The following ITGB6 variants were observed in gnomAD, a reference collection of about 807,000 sequenced individuals.
ITGB6 encodes the protein integrin beta-6.
In ITGB6, 80 loss-of-function variants were observed where a neutral mutation model predicts 84.5. That is an observed-to-expected ratio of 0.95 (90% CI 0.79 to 1.14). The LOEUF is 1.14. Ranked by LOEUF, ITGB6 falls within the 50% of genes most tolerant of loss-of-function variation. ITGB6 has a pLI of 0.00. For synonymous variants in ITGB6, 383 were observed against 354.9 expected (o/e 1.08, Z -0.89); for missense variants, 1,006 against 968.0 (o/e 1.04, Z -0.52).
chr2:160,199,338 A>G (rs1686465142), intron 1 of ITGB6, 80 bp from the exon 2 acceptor site: 1 of 1,035,782 alleles, frequency 9.7e-7, no homozygotes, highest in East Asian at 2.4e-5. Context: ...CTCTTACATT[A>G]CTTGAACAAA....
intron 7 of ITGB6, among the ~76,000 whole-genome samples, chr2:160,166,024 T>C (rs1296211114): frequency 6.6e-6 from 1 of 152,240 alleles, no homozygotes; most frequent in Non-Finnish European, 1.5e-5. Context: ...AAATATCTAC[T>C]GAGAATCTAC....
chr2:160,105,875 G>C (rs1696890405), intron 14 of ITGB6, among the ~76,000 whole-genome samples: 1 of 152,122 alleles, frequency 6.6e-6, no homozygotes. Flanking sequence ...TACATTGTTA[G>C]GGATGAGTAA....
At chr2:160,144,776 C>T (rs1054788932) in intron 7 of ITGB6, among the ~76,000 whole-genome samples, 1 of 152,296 alleles carries the variant, frequency 6.6e-6, no homozygotes, top group Non-Finnish European at 1.5e-5. Context: ...TAACTATAAT[C>T]CTGCATGTGG....
chr2:160,159,388 T>C (rs549132738), intron 7 of ITGB6, among the ~76,000 whole-genome samples: 2 of 152,318 alleles, frequency 1.3e-5, no homozygotes, highest in South Asian at 2.1e-4. Flanking sequence ...AGAGGGCTTG[T>C]AGTGATTTGG....
At chr2:160,189,964 A>T (rs1157358832) in intron 4 of ITGB6, among the ~76,000 whole-genome samples, 1 of 152,170 alleles carries the variant, frequency 6.6e-6, no homozygotes, top group East Asian at 1.9e-4. Context: ...CAAATGTCCA[A>T]CAATGATAGA....
chr2:160,199,159 A>G lies in ITGB6; in HGVS notation c.141+20T>C. 6.3e-7 allele frequency: 1 copy of G among 1,595,244 alleles called. No homozygotes were observed. The highest frequency in any genetic ancestry group is 8.6e-7 in the Non-Finnish European group (1 of 1,162,936). On this transcript the variant is annotated intron_variant, in intron 2 of 14. Transcript: ENST00000283249. ...AACTGCAGACAGGTTTTAAAAACAC[A>G]TTGAGGTCATTTATTTTACCTCCTG... is the stretch of plus-strand genomic sequence containing the variant.
intron 7 of ITGB6, among the ~76,000 whole-genome samples, chr2:160,144,075 G>A (rs1391678225): frequency 2.6e-5 from 4 of 152,162 alleles, no homozygotes; most frequent in Non-Finnish European, 5.9e-5. Flanking sequence ...GTCTCACTCT[G>A]TTGCCCAGGC....
chr2:160,181,775 A>G (rs1256988231), intron 4 of ITGB6, among the ~76,000 whole-genome samples: 1 of 152,210 alleles, frequency 6.6e-6, no homozygotes, highest in African/African-American at 2.4e-5. Flanking sequence ...CTCTGGGCCA[A>G]AGCTTCCAGA....
At position 160,172,655 on chromosome 2, in the gene ITGB6, C is replaced by G; in HGVS notation, c.835G>C (p.Asp279His). ...ATGACGATGCCTGCTAGTTTGCTGT[C>G]CATTCCAAAATGAGAATCAGCATCA... ...VSDADSHFGMDSKLAGIVIPN... is the reference protein window; with the variant it reads ...VSDADSHFGMHSKLAGIVIPN... The change falls in exon 6 of 15, where the codon GAC becomes CAC. Residue 279 changes from aspartate to histidine, a missense_variant. Physicochemically the swap from Asp to His is moderately conservative, Grantham distance 81. Coordinates refer to ENST00000283249, the MANE Select transcript of ITGB6 (RefSeq NM_000888.5). 1 of 1,611,886 alleles carries G rather than the reference C, an allele frequency of 6.2e-7. No homozygotes were observed. The highest frequency in any genetic ancestry group is 8.5e-7 in the Non-Finnish European group (1 of 1,178,166).
chr2:160,122,144 A>G (rs1011954000), intron 12 of ITGB6, among the ~76,000 whole-genome samples: 5 of 152,138 alleles, frequency 3.3e-5, no homozygotes, highest in African/African-American at 7.2e-5. Flanking sequence ...TTTAAATGGT[A>G]TTAGTAATCC....
At chr2:160,104,540 C>G (rs1696836504) in intron 14 of ITGB6, among the ~76,000 whole-genome samples, 1 of 152,180 alleles carries the variant, frequency 6.6e-6, no homozygotes, top group African/African-American at 2.4e-5. Flanking sequence ...TCTGCAAATG[C>G]AATGACACAT....
intron 5 of ITGB6, 144 bp from the exon 6 acceptor site, chr2:160,172,874 A>T: frequency 1.8e-6 from 1 of 554,774 alleles, no homozygotes; most frequent in Non-Finnish European, 3.2e-6. Context: ...TGAATTGATA[A>T]TATTAATGTT....
chr2:160,183,076 T>C (rs767227955), intron 4 of ITGB6, among the ~76,000 whole-genome samples: 6 of 152,014 alleles, frequency 3.9e-5, no homozygotes, highest in Non-Finnish European at 8.8e-5. Context: ...ATGAAGAAAA[T>C]GCATCAACTA....
At chr2:160,110,850 C>T (rs947803775) in intron 13 of ITGB6, among the ~76,000 whole-genome samples, 1 of 152,114 alleles carries the variant, frequency 6.6e-6, no homozygotes, top group Non-Finnish European at 1.5e-5. Flanking sequence ...CTCTGCTGGC[C>T]CCTGGAAGTG....
At chr2:160,116,609 C>G (rs1237519679) in intron 12 of ITGB6, among the ~76,000 whole-genome samples, 1 of 151,900 alleles carries the variant, frequency 6.6e-6, no homozygotes, top group African/African-American at 2.4e-5. Flanking sequence ...CATCAACTAA[C>G]GAGCAAAATA....
At chr2:160,160,220 G>A (rs78245836) in intron 7 of ITGB6, among the ~76,000 whole-genome samples, 7,198 of 152,226 alleles carry the variant, frequency 0.047, 260 homozygotes, top group Non-Finnish European at 0.073. Context: ...GTAGATAGGC[G>A]GCCAGATAAA....
chr2:160,160,621 T>C (rs1180154898), intron 7 of ITGB6, among the ~76,000 whole-genome samples: 1 of 152,216 alleles, frequency 6.6e-6, no homozygotes, highest in African/African-American at 2.4e-5. Context: ...GAAAATACTC[T>C]TAAACTCTTC....
chr2:160,184,562 T>G (rs1425970694), intron 4 of ITGB6, among the ~76,000 whole-genome samples: 1 of 152,206 alleles, frequency 6.6e-6, no homozygotes, highest in African/African-American at 2.4e-5. Flanking sequence ...AAAGAGGAGC[T>G]GGTACCATTC....
intron 4 of ITGB6, among the ~76,000 whole-genome samples, chr2:160,182,739 A>C (rs548734051): frequency 1.3e-5 from 2 of 152,348 alleles, no homozygotes; most frequent in East Asian, 3.9e-4. Flanking sequence ...GGGCAACCAG[A>C]GAGAAAGGTT....
Sources: allele counts gnomAD v4.1 joint callset (sites outside exome capture counted in the v4.1 genomes callset), GRCh38; gene constraint gnomAD v4.1.1; transcripts MANE v1.5; gene names NCBI Gene and HGNC (gene_info 2026-07-23, HGNC 2026-07-21).